Variants in CCDC93 observed in about 807,000 individuals in gnomAD.
CCDC93 encodes the protein CCC complex scaffolding subunit CCDC93, also known as coiled-coil domain-containing protein 93.
CCDC93 carries 61 observed loss-of-function variants against 108.2 expected under a neutral mutation model. The observed-to-expected ratio is 0.56, with a 90% CI of 0.46 to 0.70. The LOEUF (loss-of-function observed/expected upper bound fraction) is 0.70, where lower values mean the gene tolerates loss of function less well. CCDC93 is among the 30% of genes least tolerant of loss of function. CCDC93 has a pLI of 0.00. For missense variants in CCDC93, 685 were observed against 764.2 expected (o/e 0.90, Z 1.22); for synonymous variants, 276 against 260.4 (o/e 1.06, Z -0.58).
In CCDC93 at chr2:117,920,400, G is replaced by C. The variant is rs371759005; in HGVS notation, c.1843-4C>G. ...GCATCTCGTTCTTGCGGCCCTCCTG[G>C]AGGGAAAGCAGAGAGTATAGAGAGA... On this transcript the variant is annotated splice_polypyrimidine_tract_variant and splice_region_variant and intron_variant, in intron 23 of 23. Coordinates refer to ENST00000376300, the MANE Select transcript of CCDC93 (RefSeq NM_019044.5). 1 of 1,611,204 alleles carries C rather than the reference G, an allele frequency of 6.2e-7. No homozygotes were observed. Among genetic ancestry groups the C allele is most frequent in the Non-Finnish European group, 8.5e-7 (1 of 1,177,774 alleles).
Position 117,925,526 on chromosome 2 carries a change from G to A in CCDC93, c.1843-5130C>T, listed in dbSNP as rs1270829774. ...GACAAAGATCAAAAGACACAAAGAAGGCTATTACATAATGGTAAAGGGATC... is the reference window on the plus strand; with the variant it reads ...GACAAAGATCAAAAGACACAAAGAAAGCTATTACATAATGGTAAAGGGATC... On this transcript the variant is annotated intron_variant, in intron 23 of 23. Transcript: ENST00000376300. 3.3e-5 allele frequency among the ~76,000 whole-genome samples: 5 copies of A among 152,224 alleles called. 1 individual carries two copies. Among genetic ancestry groups the A allele is most frequent in the Non-Finnish European group, 2.9e-5 (2 of 68,022 alleles).
chr2:117,943,722 G>C (rs147328070), intron 18 of CCDC93, among the ~76,000 whole-genome samples: 1 of 152,166 alleles, frequency 6.6e-6, no homozygotes, highest in Non-Finnish European at 1.5e-5. Flanking sequence ...ACAAACTGCC[G>C]GTTATCCAAA....
intron 5 of CCDC93, 32 bp from the exon 6 acceptor site, chr2:117,995,534 C>T (rs768169751): frequency 1.3e-5 from 20 of 1,571,042 alleles, no homozygotes; most frequent in East Asian, 1.1e-4. Flanking sequence ...TTAAACAAAT[C>T]CCAAGGGAAA....
intron 23 of CCDC93, among the ~76,000 whole-genome samples, chr2:117,924,146 G>A (rs1478267195): frequency 1.3e-5 from 2 of 152,148 alleles, no homozygotes; most frequent in Admixed American, 6.5e-5. Context: ...CATCATCAAA[G>A]ACCAAAGGTA....
At chr2:117,937,203 A>G (rs539368212) in intron 20 of CCDC93, among the ~76,000 whole-genome samples, 1 of 152,310 alleles carries the variant, frequency 6.6e-6, no homozygotes, top group African/African-American at 2.4e-5. Flanking sequence ...CAATGCAACA[A>G]GCTAAGCTGC....
At chr2:117,999,349 C>T (rs1680761968) in intron 4 of CCDC93, 1 of 152,344 alleles carries the variant, frequency 6.6e-6, no homozygotes, top group East Asian at 1.9e-4. Flanking sequence ...AGACTGGAAC[C>T]TTTGTTTGTC....
intron 12 of CCDC93, 75 bp downstream of exon 12, chr2:117,958,290 A>AC (rs1389460966): frequency 1.1e-6 from 1 of 942,214 alleles, no homozygotes; most frequent in African/African-American, 1.6e-5. Context: ...CAGTATGCCA[A>AC]CCCCCGTTCT....
At chr2:117,975,546 CT>C (rs1182174612) in intron 8 of CCDC93, among the ~76,000 whole-genome samples, 1 of 152,206 alleles carries the variant, frequency 6.6e-6, no homozygotes, top group Non-Finnish European at 1.5e-5. Context: ...CTGACTTACC[CT>C]TGCACTTTGA....
At chr2:118,001,137 C>T (rs1680837299) in intron 3 of CCDC93, 3 of 462,310 alleles carry the variant, frequency 6.5e-6, no homozygotes, top group African/African-American at 2.0e-5. Flanking sequence ...ACAAAACTGC[C>T]TTCATCCTTT....
At chr2:117,981,803 T>C (rs952944418) in intron 7 of CCDC93, among the ~76,000 whole-genome samples, 3 of 152,208 alleles carry the variant, frequency 2.0e-5, no homozygotes, top group Non-Finnish European at 2.9e-5. Context: ...CGCATTTCAA[T>C]TGCTCAATAG....
At chr2:117,923,986 T>C (rs1300734288) in intron 23 of CCDC93, among the ~76,000 whole-genome samples, 1 of 152,220 alleles carries the variant, frequency 6.6e-6, no homozygotes, top group African/African-American at 2.4e-5. Flanking sequence ...TCCGCTGTTC[T>C]GCAGCCTCTG....
intron 16 of CCDC93, 58 bp from the exon 17 acceptor site, chr2:117,945,640 G>C: frequency 6.8e-7 from 1 of 1,478,486 alleles, no homozygotes; most frequent in Non-Finnish European, 9.5e-7. Context: ...TAAGACAGAA[G>C]CCAAGGATCT....
At position 117,917,608 on chromosome 2, in the gene CCDC93, T is replaced by G. The variant is rs1251150676; in HGVS notation, c.*2735A>C. ...TGCCCTCTGTTAAAACAACCCTCAGTGTGACTCTGACGACTGTTTAACATT... is the reference window on the plus strand; with the variant it reads ...TGCCCTCTGTTAAAACAACCCTCAGGGTGACTCTGACGACTGTTTAACATT... On this transcript the variant is annotated 3_prime_UTR_variant, in exon 24 of 24. Transcript: ENST00000376300. The G allele has an allele frequency of 6.6e-6, 1 of 152,264 alleles. No homozygotes were observed. Among genetic ancestry groups the G allele is most frequent in the East Asian group, 1.9e-4 (1 of 5,196 alleles). The allele number at this position is 152,264 out of a possible 1,614,324, so 9.4% of individuals were successfully genotyped here. A position where few individuals can be genotyped will look rare whatever the true frequency, so the allele number is the denominator to read the frequency against.
chr2:118,007,780 G>C (rs768008298), intron 2 of CCDC93, among the ~76,000 whole-genome samples: 9 of 152,214 alleles, frequency 5.9e-5, no homozygotes, highest in Non-Finnish European at 1.2e-4. Context: ...CCCAGACCTA[G>C]CTAACCAAAA....
chr2:117,974,928 G>A (rs1679884831), intron 9 of CCDC93, 28 bp from the exon 10 acceptor site: 1 of 1,551,938 alleles, frequency 6.4e-7, no homozygotes, highest in Admixed American at 1.9e-5. Context: ...GGGAGCAGCA[G>A]TGAGTGGTTC....
intron 20 of CCDC93, among the ~76,000 whole-genome samples, chr2:117,938,770 A>G (rs2104725993): frequency 6.6e-6 from 1 of 152,242 alleles, no homozygotes; most frequent in Middle Eastern, 3.4e-3. Context: ...CAGAGCTTCC[A>G]TTGTGTTCCT....
chr2:118,011,862 C>A (rs1228235652), intron 1 of CCDC93, among the ~76,000 whole-genome samples: 1 of 152,184 alleles, frequency 6.6e-6, no homozygotes, highest in East Asian at 1.9e-4. Flanking sequence ...ACTCCAAATT[C>A]ACTTAGCAGA....
intron 22 of CCDC93, among the ~76,000 whole-genome samples, chr2:117,933,598 T>C (rs978990725): frequency 3.3e-5 from 5 of 152,148 alleles, no homozygotes; most frequent in Admixed American, 6.5e-5. Context: ...TGGTCTACTA[T>C]GTAACACTCT....
chr2:118,001,121 G>T, intron 3 of CCDC93, 189 bp from the exon 4 acceptor site: 1 of 498,720 alleles, frequency 2.0e-6, no homozygotes, highest in East Asian at 3.1e-5. Context: ...GTGTAGGTGT[G>T]TGGTCACAAA....
Sources: allele counts gnomAD v4.1 joint callset (sites outside exome capture counted in the v4.1 genomes callset), GRCh38; gene constraint gnomAD v4.1.1; transcripts MANE v1.5; gene names NCBI Gene and HGNC (gene_info 2026-07-23, HGNC 2026-07-21).